Variants in RAP1GDS1 observed in about 807,000 individuals in gnomAD.
RAP1GDS1 encodes Rap1 GTPase-GDP dissociation stimulator 1.
In RAP1GDS1, 35 loss-of-function variants were observed where a neutral mutation model predicts 71.1. That is an observed-to-expected ratio of 0.49 (90% CI 0.38 to 0.65). The LOEUF (loss-of-function observed/expected upper bound fraction) is 0.65. Among genes scored for constraint, RAP1GDS1 ranks in the 30% least tolerant of loss-of-function variants. RAP1GDS1 has a pLI of 0.00. For missense variants in RAP1GDS1, 663 were observed against 706.1 expected, an observed-to-expected ratio of 0.94 and a Z score of 0.69; for synonymous variants, 229 against 243.1, an observed-to-expected ratio of 0.94 and a Z score of 0.54.
intron 4 of RAP1GDS1, among the ~76,000 whole-genome samples, chr4:98,357,301 A>C (rs1451794307): frequency 2.0e-5 from 3 of 151,960 alleles, no homozygotes; most frequent in African/African-American, 7.2e-5. Flanking sequence ...TTAGAATAAA[A>C]TAGAATTATC....
chr4:98,431,398 G>A (rs1750389548), intron 12 of RAP1GDS1, among the ~76,000 whole-genome samples: 1 of 152,200 alleles, frequency 6.6e-6, no homozygotes, highest in Non-Finnish European at 1.5e-5. Flanking sequence ...CTTAACCTGG[G>A]TTGATTTCAC....
intron 4 of RAP1GDS1, among the ~76,000 whole-genome samples, chr4:98,377,986 GTTAA>G (rs1741417966): frequency 6.6e-6 from 1 of 151,702 alleles, no homozygotes; most frequent in Non-Finnish European, 1.5e-5. Context: ...AAAATATTTT[GTTAA>G]TTTATTGATT....
At chr4:98,359,590 C>T (rs1374230319) in intron 4 of RAP1GDS1, among the ~76,000 whole-genome samples, 1 of 151,982 alleles carries the variant, frequency 6.6e-6, no homozygotes, top group Non-Finnish European at 1.5e-5. Context: ...CATGAAGATA[C>T]GATTTTTTAA....
In RAP1GDS1 at chr4:98,310,185, C is replaced by T. The variant is rs563374946; in HGVS notation, c.112+16670C>T. ...CCTCCATCTTCAGGTCTCATTCATT[C>T]ATTTATTCCACACTTAGTATTTATT... is the stretch of plus-strand genomic sequence containing the variant. On this transcript the variant is annotated intron_variant, in intron 2 of 14. Transcript: ENST00000408927. Among the ~76,000 whole-genome samples, 204 of 152,196 alleles carry T rather than the reference C, an allele frequency of 1.3e-3. 3 individuals carry two copies. Among genetic ancestry groups the T allele is most frequent in the African/African-American group, 3.8e-3 (158 of 41,550 alleles).
intron 2 of RAP1GDS1, among the ~76,000 whole-genome samples, chr4:98,295,663 A>C (rs976016305): frequency 6.6e-6 from 1 of 152,092 alleles, no homozygotes; most frequent in Non-Finnish European, 1.5e-5. Flanking sequence ...AAAAAATTGT[A>C]ATCTGAATAA....
chr4:98,261,738 T>G, intron 1 of RAP1GDS1, 169 bp downstream of exon 1: 2 of 918,386 alleles, frequency 2.2e-6, no homozygotes, highest in East Asian at 3.5e-5. Context: ...GCACGCCGGG[T>G]GCCGGGGCTG....
chr4:98,404,437 G>A (rs1745847410), intron 6 of RAP1GDS1, 40 bp from the exon 7 acceptor site: 1 of 1,533,240 alleles, frequency 6.5e-7, no homozygotes, highest in African/African-American at 1.4e-5. Context: ...AACAGTTTCT[G>A]GACTTTATTT....
intron 12 of RAP1GDS1, among the ~76,000 whole-genome samples, chr4:98,422,061 G>T (rs573485802): frequency 2.0e-5 from 3 of 151,738 alleles, no homozygotes; most frequent in East Asian, 2.0e-4. Flanking sequence ...TTAGCTGGGC[G>T]TGGTGGCGGG....
At chr4:98,312,103 G>A (rs1316792765) in intron 2 of RAP1GDS1, among the ~76,000 whole-genome samples, 1 of 152,150 alleles carries the variant, frequency 6.6e-6, no homozygotes, top group Non-Finnish European at 1.5e-5. Flanking sequence ...TGGGGAACAA[G>A]GCTTATGGTT....
chr4:98,412,109 AT>A (rs1747154631), intron 7 of RAP1GDS1, among the ~76,000 whole-genome samples: 1 of 152,186 alleles, frequency 6.6e-6, no homozygotes, highest in Admixed American at 6.5e-5. Flanking sequence ...AAAAGTCTTT[AT>A]TTTTCCTAAA....
Position 98,409,133 on chromosome 4 carries a change from T to G in RAP1GDS1, c.763+4531T>G, listed in dbSNP as rs116187743. ...TTCAAAAGAATCTATAGATCAGTTT[T>G]ATAGATCTTTTTTTAAATCAGAATT... On this transcript the variant is annotated intron_variant, in intron 7 of 14. Transcript: ENST00000408927. Among the ~76,000 whole-genome samples, 1,189 of 152,290 alleles carry G rather than the reference T, an allele frequency of 7.8e-3. 14 individuals carry two copies. Among genetic ancestry groups the G allele is most frequent in the African/African-American group, 0.027 (1,138 of 41,566 alleles).
intron 1 of RAP1GDS1, among the ~76,000 whole-genome samples, chr4:98,278,350 A>G (rs1724539654): frequency 6.6e-6 from 1 of 152,296 alleles, no homozygotes; most frequent in East Asian, 1.9e-4. Context: ...ACTCCTGTTT[A>G]TCTGGTTCCT....
intron 10 of RAP1GDS1, 125 bp from the exon 11 acceptor site, chr4:98,419,894 A>C: frequency 9.6e-7 from 1 of 1,042,178 alleles, no homozygotes; most frequent in East Asian, 2.7e-5. Context: ...AAAAGTGACA[A>C]GATTGTTTCT....
intron 4 of RAP1GDS1, among the ~76,000 whole-genome samples, chr4:98,366,829 A>AAAGC: frequency 6.6e-6 from 1 of 152,358 alleles, no homozygotes; most frequent in East Asian, 1.9e-4. Flanking sequence ...TCTAAGCAGC[A>AAAGC]AAGCATTCAA....
chr4:98,281,220 G>C (rs958682247), intron 1 of RAP1GDS1, among the ~76,000 whole-genome samples: 2 of 152,120 alleles, frequency 1.3e-5, no homozygotes, highest in African/African-American at 4.8e-5. Flanking sequence ...CCATTTTCAT[G>C]ATATTGATTT....
chr4:98,383,418 T>C (rs2110111866), intron 5 of RAP1GDS1, among the ~76,000 whole-genome samples: 1 of 151,704 alleles, frequency 6.6e-6, no homozygotes, highest in Middle Eastern at 3.4e-3. Flanking sequence ...ATGTATGATA[T>C]GTGTATATAT....
chr4:98,403,099 C>T (rs978153850), intron 6 of RAP1GDS1, among the ~76,000 whole-genome samples: 1 of 151,992 alleles, frequency 6.6e-6, no homozygotes, highest in Non-Finnish European at 1.5e-5. Context: ...TTTCTCACGA[C>T]ACTGCTGGAG....
At chr4:98,417,296 A>G (rs1748174349) in intron 8 of RAP1GDS1, 71 bp from the exon 9 acceptor site, 1 of 1,463,398 alleles carries the variant, frequency 6.8e-7, no homozygotes, top group Non-Finnish European at 9.4e-7. Context: ...TTGGATATTC[A>G]CCTAAGAATG....
intron 2 of RAP1GDS1, among the ~76,000 whole-genome samples, chr4:98,307,019 T>C (rs918081863): frequency 3.7e-4 from 56 of 152,256 alleles, no homozygotes; most frequent in African/African-American, 1.3e-3. Flanking sequence ...ATCATTTTTT[T>C]CTAATGGAAG....
Sources: allele counts gnomAD v4.1 joint callset (sites outside exome capture counted in the v4.1 genomes callset), GRCh38; gene constraint gnomAD v4.1.1; transcripts MANE v1.5; gene names NCBI Gene and HGNC (gene_info 2026-07-23, HGNC 2026-07-21).